FAM184B: variants seen among roughly 807,000 people sequenced by gnomAD.
The protein encoded by FAM184B is protein FAM184B.
Under a neutral mutation model 135.9 loss-of-function variants are expected in FAM184B, and 111 were observed. The ratio of observed to expected loss-of-function variants is 0.82; its 90% CI spans 0.70 to 0.96. FAM184B has a LOEUF of 0.96. FAM184B is among the 40% of genes least tolerant of loss of function. The pLI, the probability that FAM184B is intolerant of heterozygous loss-of-function variation, is 0.00. For synonymous variants in FAM184B, 552 were observed against 524.8 expected, an observed-to-expected ratio of 1.05 and a Z score of -0.71; for missense variants, 1,375 against 1,323.9, an observed-to-expected ratio of 1.04 and a Z score of -0.60.
At chr4:17,691,135 A>T (rs771512644) in intron 6 of FAM184B, among the ~76,000 whole-genome samples, 6 of 152,148 alleles carry the variant, frequency 3.9e-5, no homozygotes, top group Non-Finnish European at 5.9e-5. Context: ...AGGCAGTATT[A>T]GCTTAGCGGT....
Position 17,747,044 on chromosome 4 carries a change from C to CAA in FAM184B, c.141+34113_141+34114dup, listed in dbSNP as rs11342758. ...TGAGTGACAGAATGAGACTCCATCT[C>CAA]AAAAAAAAAAAAAAAAAAAGTAGAT... is the stretch of plus-strand genomic sequence containing the variant. On this transcript the variant is annotated intron_variant, in intron 1 of 17. Coordinates refer to ENST00000265018, the MANE Select transcript of FAM184B (RefSeq NM_015688.2). Among the ~76,000 whole-genome samples the CAA allele has an allele frequency of 5.5e-3, 539 of 98,478 alleles. 11 individuals carry two copies. Among genetic ancestry groups the CAA allele is most frequent in the African/African-American group, 0.021 (496 of 24,126 alleles). 64.6% of individuals were successfully genotyped at this position (98,478 alleles called of 152,430 possible).
At chr4:17,746,541 G>C (rs1387250747) in intron 1 of FAM184B, among the ~76,000 whole-genome samples, 4 of 145,846 alleles carry the variant, frequency 2.7e-5, no homozygotes, top group African/African-American at 1.0e-4. Context: ...GACCATCCTG[G>C]CTAACACGGT....
intron 15 of FAM184B, among the ~76,000 whole-genome samples, chr4:17,635,587 C>G (rs1045396): frequency 0.061 from 9,281 of 151,786 alleles, 389 homozygotes; most frequent in Middle Eastern, 0.13. Context: ...TTTTTTCTCT[C>G]CTGCTGTATT....
chr4:17,690,313 T>C (rs977602593), intron 6 of FAM184B, among the ~76,000 whole-genome samples: 5 of 151,908 alleles, frequency 3.3e-5, no homozygotes, highest in African/African-American at 4.8e-5. Flanking sequence ...GTGGGGTAGA[T>C]GTGAGGACTG....
intron 1 of FAM184B, among the ~76,000 whole-genome samples, chr4:17,736,426 G>C (rs1293146261): frequency 6.6e-6 from 1 of 152,172 alleles, no homozygotes; most frequent in African/African-American, 2.4e-5. Context: ...GTAAGGTTCA[G>C]GTTAAGCTGT....
chr4:17,729,232 G>A (rs1717714076), intron 1 of FAM184B, among the ~76,000 whole-genome samples: 2 of 152,234 alleles, frequency 1.3e-5, no homozygotes, highest in Non-Finnish European at 2.9e-5. Flanking sequence ...GCTTGATTAG[G>A]TAAACAAAGC....
chr4:17,648,354 T>A (rs1461390131), intron 11 of FAM184B, among the ~76,000 whole-genome samples: 1 of 151,194 alleles, frequency 6.6e-6, no homozygotes, highest in Non-Finnish European at 1.5e-5. Flanking sequence ...AACTCTTTTT[T>A]ATTTTTTTTT....
intron 7 of FAM184B, among the ~76,000 whole-genome samples, chr4:17,681,819 G>A (rs1341698212): frequency 1.3e-5 from 2 of 152,130 alleles, no homozygotes; most frequent in Non-Finnish European, 2.9e-5. Context: ...AGATTTCAGT[G>A]TCAAGCAGAT....
intron 1 of FAM184B, among the ~76,000 whole-genome samples, chr4:17,767,677 G>T (rs545108438): frequency 6.6e-6 from 1 of 152,046 alleles, no homozygotes; most frequent in African/African-American, 2.4e-5. Flanking sequence ...CTGTTTCAGC[G>T]CTCTGTCTGG....
intron 1 of FAM184B, among the ~76,000 whole-genome samples, chr4:17,770,715 C>T (rs1718802719): frequency 6.6e-6 from 1 of 152,188 alleles, no homozygotes. Flanking sequence ...ATCTGCCTGC[C>T]TCGGCCTCCC....
At position 17,660,157 on chromosome 4, in the gene FAM184B, G is replaced by A. The variant is rs555544160; in HGVS notation, c.1695-70C>T. The A allele has an allele frequency of 1.3e-4, 198 of 1,512,878 alleles. 1 individual carries two copies. The South Asian group carries it at 1.7e-3, about 13-fold the overall frequency. 93.7% of individuals were successfully genotyped at this position (1,512,878 alleles called of 1,614,324 possible). On this transcript the variant is annotated intron_variant, in intron 8 of 17. Transcript: ENST00000265018. ...GGAATGACACTGCCACTCCGATAAC[G>A]TGCCAGCCACTGTGCCTGGGAGGAG...
chr4:17,761,418 G>C (rs923713260), intron 1 of FAM184B, among the ~76,000 whole-genome samples: 10 of 152,150 alleles, frequency 6.6e-5, no homozygotes, highest in African/African-American at 2.4e-4. Flanking sequence ...TGTTGTTTAA[G>C]CTATCCACTC....
chr4:17,660,094 A>C lies in FAM184B; in HGVS notation c.1695-7T>G. 1.9e-6 allele frequency: 3 copies of C among 1,551,158 alleles called. No homozygotes were observed. Among genetic ancestry groups the C allele is most frequent in the South Asian group, 2.4e-5 (2 of 84,028 alleles). On this transcript the variant is annotated splice_region_variant and splice_polypyrimidine_tract_variant and intron_variant, in intron 8 of 17. Transcript: ENST00000265018. ...CTTGAGAAGCACTTTGGTCCTTTGA[A>C]GATAAGGATGCCACAATCACAAAAG...
chr4:17,746,359 G>C (rs1191901477), intron 1 of FAM184B, among the ~76,000 whole-genome samples: 1 of 152,160 alleles, frequency 6.6e-6, no homozygotes, highest in Non-Finnish European at 1.5e-5. Flanking sequence ...CACATTATGT[G>C]AATGAACCAT....
intron 5 of FAM184B, among the ~76,000 whole-genome samples, chr4:17,704,661 G>T (rs1285059518): frequency 6.6e-6 from 1 of 152,120 alleles, no homozygotes; most frequent in Admixed American, 6.5e-5. Flanking sequence ...TTGGTTAATG[G>T]TATTTCTCTG....
rs557780807 is a variant in FAM184B, at chr4:17,635,936, TCTA to T, written c.2784+589_2784+591del. Among the ~76,000 whole-genome samples the T allele has an allele frequency of 1.7e-3, 263 of 152,216 alleles. 1 individual carries two copies. The highest frequency in any genetic ancestry group is 5.8e-3 in the African/African-American group (242 of 41,540). On this transcript the variant is annotated intron_variant, in intron 15 of 17. Coordinates refer to ENST00000265018, the MANE Select transcript of FAM184B (RefSeq NM_015688.2). ...GAAGATCAACAATAAAAACACTAAT[TCTA>T]CTACAATTCAAACCTAAGCCATTAT...
chr4:17,658,481 G>C lies in FAM184B; in HGVS notation c.1906C>G (p.Leu636Val), dbSNP rs1286992313. The stretch of plus-strand genomic sequence containing the variant: ...TCACGCTGCAGCTTCTCCCTCTCCA[G>C]GTCCGAGAGCTGCTTGAGTGCCTGC... ...DLQALKQLSD[L>V]EREKLQRELQ... The change falls in exon 10 of 18, where the codon CTG (leucine) becomes GTG (valine). Residue 636 changes from leucine (L) to valine (V), a missense_variant. By Grantham distance (32) the Leu-to-Val change is conservative. Coordinates refer to ENST00000265018, the MANE Select transcript of FAM184B (RefSeq NM_015688.2). 1 of 1,551,408 alleles carries C rather than the reference G, an allele frequency of 6.4e-7. No individual in the cohort carries two copies. The highest frequency in any genetic ancestry group is 1.4e-5 in the African/African-American group (1 of 73,038).
chr4:17,729,109 A>T lies in FAM184B; in HGVS notation c.142-19465T>A, dbSNP rs1407822906. ...CACACCAGGAGATTATATCCCGCAC[A>T]TGGCTTGGAGGGTCCTGCGCCCACG... On this transcript the variant is annotated intron_variant, in intron 1 of 17. Transcript: ENST00000265018. 3.3e-5 allele frequency among the ~76,000 whole-genome samples: 5 copies of T among 152,220 alleles called. No homozygotes were observed. In the East Asian group the frequency reaches 9.6e-4, roughly 29 times the overall value.
At chr4:17,759,181 A>G (rs1036417144) in intron 1 of FAM184B, among the ~76,000 whole-genome samples, 1 of 152,112 alleles carries the variant, frequency 6.6e-6, no homozygotes, top group African/African-American at 2.4e-5. Flanking sequence ...TCTCCTTGAT[A>G]TGGTTTGGAT....
Sources: allele counts gnomAD v4.1 joint callset (sites outside exome capture counted in the v4.1 genomes callset), GRCh38; gene constraint gnomAD v4.1.1; transcripts MANE v1.5; gene names NCBI Gene and HGNC (gene_info 2026-07-23, HGNC 2026-07-21).